Variants in UBE3B observed in about 807,000 individuals in gnomAD.
UBE3B encodes the protein ubiquitin protein ligase E3B, also known as ubiquitin-protein ligase E3B.
Under a neutral mutation model 132.3 loss-of-function variants are expected in UBE3B, and 80 were observed. That is an observed-to-expected ratio of 0.60 (90% CI 0.50 to 0.73). The LOEUF (loss-of-function observed/expected upper bound fraction) is 0.73. Among genes scored for constraint, UBE3B ranks in the 30% least tolerant of loss-of-function variants. UBE3B has a pLI of 0.00. For missense variants in UBE3B, 1,196 were observed against 1,362.5 expected, an observed-to-expected ratio of 0.88 and a Z score of 1.92; for synonymous variants, 487 against 520.4, an observed-to-expected ratio of 0.94 and a Z score of 0.87.
intron 6 of UBE3B, 130 bp downstream of exon 6, chr12:109,486,705 G>A (rs992230216): frequency 3.8e-5 from 29 of 756,424 alleles, no homozygotes; most frequent in Non-Finnish European, 5.6e-5. Context: ...CACTGTTCTG[G>A]AAGAGAGGAA....
At chr12:109,498,209 T>G (rs1592909931) in intron 10 of UBE3B, 24 bp from the exon 11 acceptor site, 1 of 1,612,928 alleles carries the variant, frequency 6.2e-7, no homozygotes, top group East Asian at 2.2e-5. Flanking sequence ...AGTTTCTGAT[T>G]TAACGGTCTG....
intron 11 of UBE3B, among the ~76,000 whole-genome samples, chr12:109,499,380 A>T (rs1441082442): frequency 6.6e-6 from 1 of 152,232 alleles, no homozygotes; most frequent in Non-Finnish European, 1.5e-5. Context: ...CTTACAAATG[A>T]AGAAACAAGT....
the UBE3B span, among the ~76,000 whole-genome samples, chr12:109,546,263 G>A: frequency 2.0e-5 from 3 of 152,158 alleles, no homozygotes; most frequent in Non-Finnish European, 2.9e-5. Flanking sequence ...TGAATAGGCT[G>A]GGTGGCTCAT....
At chr12:109,501,238 A>G in intron 12 of UBE3B, 133 bp from the exon 13 acceptor site, 1 of 1,092,402 alleles carries the variant, frequency 9.2e-7, no homozygotes, top group Non-Finnish European at 1.3e-6. Context: ...TTATTTTTGT[A>G]ATCTTCTTTG....
intron 26 of UBE3B, among the ~76,000 whole-genome samples, chr12:109,532,081 C>G (rs1234746975): frequency 6.6e-6 from 1 of 152,192 alleles, no homozygotes; most frequent in African/African-American, 2.4e-5. Context: ...TTCCTGTGTC[C>G]TCCGCCCCTC....
rs775842844 is a variant in UBE3B at position 109,521,544 on chromosome 12, T to G, written c.2357T>G (p.Val786Gly). Residue 786 changes from valine to glycine, a missense_variant, in exon 21 of 28, where the codon GTG becomes GGG. Transcript: ENST00000342494. The surrounding 1 kb of genome is among the most constrained non-coding windows in gnomAD (Gnocchi z 4.2). Reference sequence around the variant, plus strand: ...GTGGGGAAGATGCTGGGGAAGGCTGTGTATGAGGTAGGAACGTTAAGAAAC... The same window carrying G: ...GTGGGGAAGATGCTGGGGAAGGCTGGGTATGAGGTAGGAACGTTAAGAAAC... ...EFVGKMLGKAVYEGIVVDVPF... is the reference protein window; with the variant it reads ...EFVGKMLGKAGYEGIVVDVPF... The G allele has an allele frequency of 6.3e-7, 1 of 1,582,622 alleles. No homozygotes were observed. Among genetic ancestry groups the G allele is most frequent in the Non-Finnish European group, 8.6e-7 (1 of 1,165,284 alleles).
intron 11 of UBE3B, among the ~76,000 whole-genome samples, 200 bp from the exon 12 acceptor site, chr12:109,499,433 A>G (rs1878668897): frequency 6.6e-6 from 1 of 152,254 alleles, no homozygotes; most frequent in South Asian, 2.1e-4. Flanking sequence ...TGTCTGTGGC[A>G]TAGCCAGGAT....
Position 109,490,021 on chromosome 12 carries a change from C to T in UBE3B, c.630+17C>T. 1 of 1,611,450 alleles carries T rather than the reference C, an allele frequency of 6.2e-7. No individual in the cohort carries two copies. Among genetic ancestry groups the T allele is most frequent in the Non-Finnish European group, 8.5e-7 (1 of 1,177,700 alleles). On this transcript the variant is annotated intron_variant, in intron 8 of 27. Coordinates refer to ENST00000342494, the MANE Select transcript of UBE3B (RefSeq NM_130466.4). The stretch of plus-strand genomic sequence containing the variant: ...GTGCTGCAGGTCTGTGACTCCTGCC[C>T]CCCAGTGTGCAACTTCTCCACTCTC...
chr12:109,479,981 C>T (rs1875085254), intron 1 of UBE3B, among the ~76,000 whole-genome samples: 1 of 152,118 alleles, frequency 6.6e-6, no homozygotes, highest in Non-Finnish European at 1.5e-5. Flanking sequence ...TGGCTTGGGC[C>T]CTGCTCTTTT....
At chr12:109,516,937 G>C in intron 19 of UBE3B, 53 bp downstream of exon 19, 2 of 1,592,466 alleles carry the variant, frequency 1.3e-6, no homozygotes, top group Non-Finnish European at 1.7e-6. Context: ...CCTGCAACAT[G>C]GAAGCTCTTT....
At chr12:109,496,242 G>A (rs1393276907) in intron 9 of UBE3B, among the ~76,000 whole-genome samples, 1 of 152,158 alleles carries the variant, frequency 6.6e-6, no homozygotes, top group African/African-American at 2.4e-5. Flanking sequence ...GCATGGATCA[G>A]TACTTCATGC....
rs1305884596 is a variant in UBE3B at position 109,522,337 on chromosome 12, G to A, written c.2364+786G>A. On this transcript the variant is annotated intron_variant, in intron 21 of 27. Transcript: ENST00000342494. The surrounding 1 kb of genome is among the most constrained non-coding windows in gnomAD (Gnocchi z 4.2). Reference sequence around the variant, plus strand: ...CACAGCTCCTGTCCATTGAAACCCCGTCCATTGAAAGCCAAGGTGGGACCA... The same window carrying A: ...CACAGCTCCTGTCCATTGAAACCCCATCCATTGAAAGCCAAGGTGGGACCA... Among the ~76,000 whole-genome samples the A allele has an allele frequency of 6.6e-6, 1 of 152,134 alleles. No individual in the cohort carries two copies. The highest frequency in any genetic ancestry group is 1.5e-5 in the Non-Finnish European group (1 of 68,024).
intron 8 of UBE3B, 63 bp from the exon 9 acceptor site, chr12:109,490,982 T>C: frequency 6.4e-7 from 1 of 1,554,914 alleles, no homozygotes; most frequent in Non-Finnish European, 8.8e-7. Context: ...TTTTTTGCTC[T>C]TTTATGTACA....
Position 109,521,451 on chromosome 12 carries a change from G to C in UBE3B, c.2264G>C (p.Gly755Ala). The C allele has an allele frequency of 6.3e-7, 1 of 1,581,828 alleles. No homozygotes were observed. Among genetic ancestry groups the C allele is most frequent in the Non-Finnish European group, 8.6e-7 (1 of 1,158,448 alleles). Residue 755 changes from glycine (G) to alanine (A), a missense_variant, in exon 21 of 28, where the codon GGG becomes GCG. Gly to Ala is a moderately conservative substitution (Grantham distance 60). Coordinates refer to ENST00000342494, the MANE Select transcript of UBE3B (RefSeq NM_130466.4). The surrounding 1 kb of genome is among the most constrained non-coding windows in gnomAD (Gnocchi z 4.2). ...CTTTTTGCCTTGCAGACAACCAGTG[G>C]GGATGAGAGGCTGTACCCCTCACCC... The part of the protein sequence containing the change: ...PALNLFKTTS[G>A]DERLYPSPTS...
Position 109,483,848 on chromosome 12 carries a change from C to T in UBE3B, c.162-13C>T. 1 of 1,599,542 alleles carries T rather than the reference C, an allele frequency of 6.3e-7. No homozygotes were observed. The highest frequency in any genetic ancestry group is 1.3e-5 in the African/African-American group (1 of 74,276). On this transcript the variant is annotated splice_polypyrimidine_tract_variant and intron_variant, in intron 3 of 27. Coordinates refer to ENST00000342494, the MANE Select transcript of UBE3B (RefSeq NM_130466.4). The stretch of plus-strand genomic sequence containing the variant: ...TTAATTTAAAATGTCTTTTTTTGCA[C>T]TTTCTTTTCTAGGAGAGAGATTGAT...
chr12:109,490,471 T>C (rs762589832), intron 8 of UBE3B: 2 of 1,535,450 alleles, frequency 1.3e-6, no homozygotes, highest in South Asian at 1.2e-5. Flanking sequence ...ATGTTGACTT[T>C]GCCCTTCCTT....
chr12:109,484,988 C>A (rs1299777082), intron 4 of UBE3B, among the ~76,000 whole-genome samples: 8 of 150,940 alleles, frequency 5.3e-5, no homozygotes, highest in Admixed American at 5.3e-4. Flanking sequence ...AACTCCTGGG[C>A]TCAAGTGATC....
downstream of UBE3B, among the ~76,000 whole-genome samples, chr12:109,540,214 T>C (rs976899122): frequency 1.4e-4 from 21 of 152,024 alleles, no homozygotes; most frequent in African/African-American, 4.6e-4. Flanking sequence ...TGTTTGTTTG[T>C]TTTTTGAGAC....
At chr12:109,487,200 C>T (rs531414421) in intron 6 of UBE3B, among the ~76,000 whole-genome samples, 1 of 152,304 alleles carries the variant, frequency 6.6e-6, no homozygotes, top group Non-Finnish European at 1.5e-5. Flanking sequence ...GGGTTCATCT[C>T]TGAACCAGTC....
Sources: gnomAD v4.1 joint callset for allele counts (sites outside exome capture counted in the v4.1 genomes callset) on GRCh38, gnomAD v4.1.1 for gene constraint, Gnocchi (gnomAD v3.1) non-coding constraint, MANE v1.5 for transcripts, NCBI Gene and HGNC (gene_info 2026-07-23, HGNC 2026-07-21) for gene names.